The following COL6A3 variants were observed in gnomAD, a reference collection of about 807,000 sequenced individuals.
The protein encoded by COL6A3 is collagen type VI alpha 3 chain.
A neutral mutation model predicts 274.1 loss-of-function variants in COL6A3; 137 were observed. The ratio of observed to expected loss-of-function variants is 0.50; its 90% CI spans 0.44 to 0.58. COL6A3 has a LOEUF of 0.58. Among genes scored for constraint, COL6A3 ranks in the 20% least tolerant of loss-of-function variants. The pLI is 0.00. For missense variants in COL6A3, 3,950 were observed against 4,124.9 expected (o/e 0.96, Z 1.16); for synonymous variants, 1,650 against 1,650.6 (o/e 1.00, Z 0.01).
rs770451985 is a variant in COL6A3, at chr2:237,334,935, T to C, written c.8966-46A>G. 1.7e-5 allele frequency: 28 copies of C among 1,607,710 alleles called. No homozygotes were observed. In the Admixed American group the frequency reaches 1.8e-4, roughly 11 times the overall value. ...TGAAGATAAAAAATAAAATCCTCCA[T>C]GACTGTAGTGCATGAGCGAGAGAGG... On this transcript the variant is annotated intron_variant, in intron 40 of 43. Coordinates refer to ENST00000295550, the MANE Select transcript of COL6A3 (RefSeq NM_004369.4).
chr2:237,382,317 AGGT>A (rs1289922161), intron 4 of COL6A3, among the ~76,000 whole-genome samples: 3 of 152,070 alleles, frequency 2.0e-5, no homozygotes, highest in African/African-American at 7.2e-5. Flanking sequence ...TGGAAGGAGG[AGGT>A]TCCAGTAAGC....
At chr2:237,339,955 A>C (rs556600534) in intron 38 of COL6A3, among the ~76,000 whole-genome samples, 1 of 152,276 alleles carries the variant, frequency 6.6e-6, no homozygotes, top group African/African-American at 2.4e-5. Context: ...TTTGCTGCTG[A>C]AGTGCGGTGG....
At position 237,374,723 on chromosome 2, in the gene COL6A3, G is replaced by A. The variant is rs371843927; in HGVS notation, c.3368C>T (p.Ser1123Phe). ...ACCTTCTGTTATCCTGCTTCCCGCA[G>A]AGCTGACCAGGATGTTCCTCAGGAC... ...EFVLRNILVS[S>F]AGSRITEGVP... The change falls in exon 8 of 44, where the codon TCT becomes TTT. Residue 1123 changes from serine (S) to phenylalanine (F), a missense_variant. Ser to Phe is a radical substitution (Grantham distance 155, BLOSUM62 -2). This residue lies in a region of COL6A3 where 1,934 missense variants were observed against 1,984.3 expected (regional missense o/e 0.97). Coordinates refer to ENST00000295550, the MANE Select transcript of COL6A3 (RefSeq NM_004369.4). The surrounding 1 kb of genome is among the most constrained non-coding windows in gnomAD (Gnocchi z 4.8). The A allele has an allele frequency of 1.9e-6, 3 of 1,613,268 alleles. No homozygotes were observed. Among genetic ancestry groups the A allele is most frequent in the Non-Finnish European group, 2.5e-6 (3 of 1,179,476 alleles).
chr2:237,379,878 G>A (rs978527131), intron 5 of COL6A3, among the ~76,000 whole-genome samples: 45 of 152,244 alleles, frequency 3.0e-4, no homozygotes, highest in African/African-American at 7.2e-5. Flanking sequence ...TGATGGGACC[G>A]TAAATACACA....
At chr2:237,404,219 A>G (rs1344133047) in intron 1 of COL6A3, among the ~76,000 whole-genome samples, 2 of 152,088 alleles carry the variant, frequency 1.3e-5, no homozygotes, top group African/African-American at 4.8e-5. Flanking sequence ...TACGGGATCA[A>G]CAGATTCAAA....
chr2:237,385,765 C>T (rs1472757711), intron 4 of COL6A3, among the ~76,000 whole-genome samples: 1 of 152,210 alleles, frequency 6.6e-6, no homozygotes, highest in African/African-American at 2.4e-5. Flanking sequence ...GCATGAGCAG[C>T]TCCAGGCACC....
At chr2:237,347,058 G>C (rs1285583464) in intron 31 of COL6A3, among the ~76,000 whole-genome samples, 2 of 151,970 alleles carry the variant, frequency 1.3e-5, no homozygotes, top group Non-Finnish European at 2.9e-5. Context: ...CACAGATCTA[G>C]GCCACAATTT....
intron 38 of COL6A3, 133 bp downstream of exon 38, chr2:237,340,319 A>C: frequency 1.2e-6 from 1 of 825,610 alleles, no homozygotes; most frequent in South Asian, 1.5e-5. Flanking sequence ...GGCAGGTGTC[A>C]ATATATGTCT....
chr2:237,396,185 A>T lies in COL6A3; in HGVS notation c.91+542T>A, dbSNP rs141570045. Among the ~76,000 whole-genome samples, 205 of 152,230 alleles carry T rather than the reference A, an allele frequency of 1.3e-3. 1 individual carries two copies. Among genetic ancestry groups the T allele is most frequent in the Non-Finnish European group, 2.2e-3 (152 of 68,020 alleles). ...ATGAAGCATTTCCCACTTTTCTAAA[A>T]CTCTGAAATCAAATTCTTAATAGAG... is the stretch of plus-strand genomic sequence containing the variant. On this transcript the variant is annotated intron_variant, in intron 2 of 43. Coordinates refer to ENST00000295550, the MANE Select transcript of COL6A3 (RefSeq NM_004369.4).
chr2:237,368,917 T>C lies in COL6A3; in HGVS notation c.4546A>G (p.Thr1516Ala). 5 of 1,614,202 alleles carry C rather than the reference T, an allele frequency of 3.1e-6. No homozygotes were observed. The highest frequency in any genetic ancestry group is 3.4e-6 in the Non-Finnish European group (4 of 1,180,030). Residue 1516 changes from threonine (T) to alanine (A), a missense_variant, in exon 10 of 44, where the codon ACT becomes GCT. Physicochemically the swap from Thr to Ala is moderately conservative, Grantham distance 58 (BLOSUM62 0). This residue lies in a region of COL6A3 where 1,934 missense variants were observed against 1,984.3 expected (regional missense o/e 0.97). Transcript: ENST00000295550. The surrounding 1 kb of genome is among the most constrained non-coding windows in gnomAD (Gnocchi z 4.4). ...LRLRGGSPLNTGKALEFVARN... is the reference protein window; with the variant it reads ...LRLRGGSPLNAGKALEFVARN... The stretch of plus-strand genomic sequence containing the variant: ...GCCACAAATTCGAGAGCCTTGCCAG[T>C]GTTCAGTGGGGACCCCCCTCTGAGC...
intron 30 of COL6A3, 115 bp downstream of exon 30, chr2:237,348,234 G>C (rs1040411889): frequency 5.4e-5 from 50 of 922,742 alleles, no homozygotes; most frequent in Non-Finnish European, 9.0e-5. Flanking sequence ...GGGTAGCCCA[G>C]TTAACTGAGT....
intron 22 of COL6A3, 97 bp downstream of exon 22, chr2:237,357,719 GC>G (rs2077348655): frequency 4.8e-6 from 6 of 1,241,720 alleles, no homozygotes; most frequent in Non-Finnish European, 4.8e-6. Flanking sequence ...AGTGTTAAAG[GC>G]CACGTCTTTG....
intron 18 of COL6A3, 21 bp from the exon 19 acceptor site, chr2:237,359,271 C>G: frequency 6.2e-7 from 1 of 1,614,156 alleles, no homozygotes. Flanking sequence ...ATAAGGCGGA[C>G]AGGTAAGTAT....
At chr2:237,379,473 T>G (rs545589643) in intron 5 of COL6A3, among the ~76,000 whole-genome samples, 8 of 152,296 alleles carry the variant, frequency 5.3e-5, no homozygotes, top group Admixed American at 2.0e-4. Context: ...CAAAGAGAGC[T>G]ACAACATCAA....
rs1399007826 is a variant in COL6A3 at position 237,407,300 on chromosome 2, ACT to A, written c.-31+6651_-31+6652del. On this transcript the variant is annotated intron_variant, in intron 1 of 43. Coordinates refer to ENST00000295550, the MANE Select transcript of COL6A3 (RefSeq NM_004369.4). This position sits in a 1 kb window ranked among gnomAD's most constrained non-coding sequence, Gnocchi z 4.3. ...TATCCTGTGATAGCAACATTTTAAAACTCTTCTCATCAGGCAGGGTAACTAGA... is the reference window on the plus strand; with the variant it reads ...TATCCTGTGATAGCAACATTTTAAAACTTCTCATCAGGCAGGGTAACTAGA... Among the ~76,000 whole-genome samples the A allele has an allele frequency of 6.6e-6, 1 of 151,862 alleles. No homozygotes were observed. The highest frequency in any genetic ancestry group is 2.4e-5 in the African/African-American group (1 of 41,352).
At position 237,332,070 on chromosome 2, in the gene COL6A3, CATATATATATATATATATATATATATAT is replaced by C. The variant is rs58082340; in HGVS notation, c.9328+1352_9328+1379del. Among the ~76,000 whole-genome samples the C allele has an allele frequency of 7.1e-4, 25 of 35,172 alleles. 1 individual carries two copies. The highest frequency in any genetic ancestry group is 1.6e-3 in the East Asian group (1 of 630). 23.1% of individuals were successfully genotyped at this position (35,172 alleles called of 152,430 possible). Reference sequence around the variant, plus strand: ...CCCCCCATCTCTCTCTCTCTCTCTACATATATATATATATATATATATATATATATATATATATATATATATATGAAAA... The same window carrying C: ...CCCCCCATCTCTCTCTCTCTCTCTACATATATATATATATATATATGAAAA... On this transcript the variant is annotated intron_variant, in intron 42 of 43. Transcript: ENST00000295550.
At position 237,376,853 on chromosome 2, in the gene COL6A3, C is replaced by T; in HGVS notation, c.2989G>A (p.Glu997Lys). 1 of 1,614,242 alleles carries T rather than the reference C, an allele frequency of 6.2e-7. No individual in the cohort carries two copies. The highest frequency in any genetic ancestry group is 8.5e-7 in the Non-Finnish European group (1 of 1,180,048). ...AGATCTCCAATCTTGGGAAGCGACT[C>T]TGCAGCCAGGATAAACGCTGGAGAC... ...VLSPAFILAA[E>K]SLPKIGDLHP... The change falls in exon 7 of 44, where the codon GAG becomes AAG. Residue 997 changes from glutamate (E) to lysine (K), a missense_variant. By Grantham distance (56) the Glu-to-Lys change is moderately conservative. This residue lies in a region of COL6A3 where 1,934 missense variants were observed against 1,984.3 expected (regional missense o/e 0.97). Coordinates refer to ENST00000295550, the MANE Select transcript of COL6A3 (RefSeq NM_004369.4).
Position 237,368,847 on chromosome 2 carries a change from C to G in COL6A3, c.4616G>C (p.Gly1539Ala), listed in dbSNP as rs2077616751. The G allele has an allele frequency of 6.2e-7, 1 of 1,614,064 alleles. No homozygotes were observed. The highest frequency in any genetic ancestry group is 8.5e-7 in the Non-Finnish European group (1 of 1,180,044). ...VKSAGSRIEDGVPQHLVLVLG... is the reference protein window; with the variant it reads ...VKSAGSRIEDAVPQHLVLVLG... ...GACCAGGACCAGGTGTTGGGGCACC[C>G]CGTCTTCTATGCGACTCCCCGCAGA... The change falls in exon 10 of 44, where the codon GGG becomes GCG. Residue 1539 changes from glycine to alanine, a missense_variant. Physicochemically the swap from Gly to Ala is moderately conservative, Grantham distance 60. Around this residue, in one of 5 missense-constraint regions of COL6A3, gnomAD observed 8 missense variants for 24.0 expected, o/e 0.33. Transcript: ENST00000295550. This position sits in a 1 kb window ranked among gnomAD's most constrained non-coding sequence, Gnocchi z 4.4.
chr2:237,385,814 A>G (rs139147806), intron 4 of COL6A3, among the ~76,000 whole-genome samples: 38 of 152,298 alleles, frequency 2.5e-4, no homozygotes, highest in Non-Finnish European at 5.0e-4. Context: ...TTGCTTCTCA[A>G]TGTCCATTTG....
Sources: gnomAD v4.1 joint callset for allele counts (sites outside exome capture counted in the v4.1 genomes callset) on GRCh38, gnomAD v4.1.1 for gene constraint, gnomAD v4.1.1 regional missense constraint, Gnocchi (gnomAD v3.1) non-coding constraint, MANE v1.5 for transcripts, NCBI Gene and HGNC (gene_info 2026-07-23, HGNC 2026-07-21) for gene names.